Variants in FLRT2 observed in about 807,000 individuals in gnomAD.
The protein encoded by FLRT2 is fibronectin leucine rich transmembrane protein 2, also known as leucine-rich repeat transmembrane protein FLRT2.
In FLRT2, 15 loss-of-function variants were observed where a neutral mutation model predicts 40.0. That is an observed-to-expected ratio of 0.38 (90% CI 0.25 to 0.58). The LOEUF is 0.58. FLRT2 is among the 20% of genes least tolerant of loss of function. The pLI, the probability that FLRT2 is intolerant of heterozygous loss-of-function variation, is 0.71. For missense variants in FLRT2, 726 were observed against 840.0 expected (o/e 0.86, Z 1.68); for synonymous variants, 380 against 336.8 (o/e 1.13, Z -1.41).
chr14:85,592,358 C>T (rs1891928746), intron 1 of FLRT2, among the ~76,000 whole-genome samples: 1 of 152,104 alleles, frequency 6.6e-6, no homozygotes, highest in South Asian at 2.1e-4. Context: ...AAATGGGAAC[C>T]TCCACTCACC....
intron 1 of FLRT2, among the ~76,000 whole-genome samples, chr14:85,584,052 G>T (rs1891509023): frequency 6.6e-6 from 1 of 152,010 alleles, no homozygotes; most frequent in South Asian, 2.1e-4. Flanking sequence ...TCTTGCAATA[G>T]GATTTATTTA....
chr14:85,544,502 T>C (rs930187431), intron 1 of FLRT2, among the ~76,000 whole-genome samples: 1 of 152,198 alleles, frequency 6.6e-6, no homozygotes, highest in African/African-American at 2.4e-5. Flanking sequence ...TGCTTGTTAT[T>C]ATTTTGTTTA....
At chr14:85,567,225 A>G (rs1264663315) in intron 1 of FLRT2, among the ~76,000 whole-genome samples, 1 of 152,132 alleles carries the variant, frequency 6.6e-6, no homozygotes, top group Non-Finnish European at 1.5e-5. Flanking sequence ...AATCCCATGG[A>G]CACTGGACAG....
intron 1 of FLRT2, among the ~76,000 whole-genome samples, chr14:85,570,561 T>TTTTATTTATTTATTTA (rs10684274): frequency 3.3e-4 from 46 of 139,294 alleles, no homozygotes; most frequent in African/African-American, 6.2e-4. Context: ...TTTTTATTTA[T>TTTTATTTATTTATTTA]TTTATTTATT....
intron 1 of FLRT2, among the ~76,000 whole-genome samples, chr14:85,563,977 C>T (rs977079388): frequency 1.1e-4 from 16 of 151,930 alleles, no homozygotes; most frequent in African/African-American, 3.4e-4. Flanking sequence ...ATGTAGAAGC[C>T]CTAGTGTGAA....
intron 1 of FLRT2, among the ~76,000 whole-genome samples, chr14:85,567,635 ATTTTTTTTT>A (rs34161461): frequency 5.3e-5 from 4 of 75,064 alleles, no homozygotes; most frequent in Non-Finnish European, 1.1e-4. Context: ...AGTGACTTAC[ATTTTTTTTT>A]TTTTTTTTTT....
At chr14:85,616,584 G>A (rs1893145846) in intron 1 of FLRT2, among the ~76,000 whole-genome samples, 1 of 152,180 alleles carries the variant, frequency 6.6e-6, no homozygotes, top group Non-Finnish European at 1.5e-5. Flanking sequence ...GCTTGGATCT[G>A]TGTGCAGAAC....
rs1418391386 is a variant in FLRT2 at position 85,631,241 on chromosome 14, T to C, written c.*7744T>C. On this transcript the variant is annotated 3_prime_UTR_variant, in exon 2 of 2. Transcript: ENST00000330753. ...TCCTGTGACATTCCCCTTTGCCTGATGACATATTTGTCCTTTAAGATACAA... is the reference window on the plus strand; with the variant it reads ...TCCTGTGACATTCCCCTTTGCCTGACGACATATTTGTCCTTTAAGATACAA... 1 of 151,386 alleles carries C rather than the reference T, an allele frequency of 6.6e-6. No individual in the cohort carries two copies. The highest frequency in any genetic ancestry group is 1.5e-5 in the Non-Finnish European group (1 of 67,932). 9.4% of individuals were successfully genotyped at this position (151,386 alleles called of 1,614,324 possible).
Position 85,602,761 on chromosome 14 carries a change from T to C in FLRT2, c.-376-18378T>C, listed in dbSNP as rs544191656. Among the ~76,000 whole-genome samples, 3 of 152,348 alleles carry C rather than the reference T, an allele frequency of 2.0e-5. No homozygotes were observed. The South Asian group carries it at 6.2e-4, about 32-fold the overall frequency. On this transcript the variant is annotated intron_variant, in intron 1 of 1. Coordinates refer to ENST00000330753, the MANE Select transcript of FLRT2 (RefSeq NM_013231.6). ...TGTCACAAACGGATGGTGTCTTCTTTGATGCATGTGAATTCTTTGTGTAGG... is the reference window on the plus strand; with the variant it reads ...TGTCACAAACGGATGGTGTCTTCTTCGATGCATGTGAATTCTTTGTGTAGG...
In FLRT2 at chr14:85,638,201, A is replaced by T. The variant is rs991760423; in HGVS notation, c.*14704A>T. On this transcript the variant is annotated 3_prime_UTR_variant, in exon 2 of 2. Transcript: ENST00000330753. Reference sequence around the variant, plus strand: ...CATTGCGATGGACAGACGCCACCGCAGAGAGCAAGGTTTACCTGTGTGGTT... The same window carrying T: ...CATTGCGATGGACAGACGCCACCGCTGAGAGCAAGGTTTACCTGTGTGGTT... 5 of 152,236 alleles carry T rather than the reference A, an allele frequency of 3.3e-5. No individual in the cohort carries two copies. The highest frequency in any genetic ancestry group is 1.2e-4 in the African/African-American group (5 of 41,466). The allele number at this position is 152,236 out of a possible 1,614,324, so 9.4% of individuals were successfully genotyped here.
rs1489954139 is a variant in FLRT2 at position 85,650,556 on chromosome 14, T to C, written c.*27059T>C. On this transcript the variant is annotated 3_prime_UTR_variant, in exon 2 of 2. Transcript: ENST00000330753. Reference sequence around the variant, plus strand: ...ACTTTACTAAATACTGTAAAATTGTTCTCTGTGTGCCAATTTTCTTTACCA... The same window carrying C: ...ACTTTACTAAATACTGTAAAATTGTCCTCTGTGTGCCAATTTTCTTTACCA... The C allele has an allele frequency of 6.6e-6, 1 of 152,028 alleles. No homozygotes were observed. The highest frequency in any genetic ancestry group is 2.4e-5 in the African/African-American group (1 of 41,442). The allele number at this position is 152,028 out of a possible 1,614,324, so 9.4% of individuals were successfully genotyped here. A position where few individuals can be genotyped will look rare whatever the true frequency, so the allele number is the denominator to read the frequency against.
chr14:85,576,359 T>C (rs1309848398), intron 1 of FLRT2, among the ~76,000 whole-genome samples: 1 of 152,206 alleles, frequency 6.6e-6, no homozygotes, highest in African/African-American at 2.4e-5. Flanking sequence ...TTTTCCTTTA[T>C]TTAGGCATAA....
At chr14:85,614,765 A>G (rs1237256518) in intron 1 of FLRT2, among the ~76,000 whole-genome samples, 1 of 152,082 alleles carries the variant, frequency 6.6e-6, no homozygotes, top group African/African-American at 2.4e-5. Flanking sequence ...GTACCAAGTG[A>G]TGAGGGGGAA....
At position 85,622,097 on chromosome 14, in the gene FLRT2, A is replaced by G. The variant is rs1375244464; in HGVS notation, c.583A>G (p.Ile195Val). Residue 195 changes from isoleucine to valine, a missense_variant, in exon 2 of 2, where the codon ATA (isoleucine) becomes GTA (valine). Transcript: ENST00000330753. ...AGTGGATGAAAATCGAATTGCTGTC[A>G]TATCCGACATGGCCTTCCAGAATCT... ...LRVDENRIAV[I>V]SDMAFQNLTS... 1.9e-6 allele frequency: 3 copies of G among 1,614,132 alleles called. No homozygotes were observed. Among genetic ancestry groups the G allele is most frequent in the Non-Finnish European group, 8.5e-7 (1 of 1,180,026 alleles).
At chr14:85,531,219 T>C (rs140120710) in intron 1 of FLRT2, 119 of 152,344 alleles carry the variant, frequency 7.8e-4, no homozygotes, top group African/African-American at 2.8e-3. Context: ...GGAATCCGGA[T>C]CGAGTGAGTT....
intron 1 of FLRT2, among the ~76,000 whole-genome samples, chr14:85,539,252 G>A (rs999110484): frequency 6.6e-6 from 1 of 151,866 alleles, no homozygotes; most frequent in African/African-American, 2.4e-5. Context: ...AAGAAGTTAA[G>A]GGCTACTAAG....
At chr14:85,582,135 C>G (rs914151400) in intron 1 of FLRT2, among the ~76,000 whole-genome samples, 3 of 152,176 alleles carry the variant, frequency 2.0e-5, no homozygotes, top group African/African-American at 4.8e-5. Flanking sequence ...AGATCCTGCT[C>G]TTAGATCCTG....
intron 1 of FLRT2, among the ~76,000 whole-genome samples, chr14:85,588,723 T>G (rs1891750865): frequency 6.6e-6 from 1 of 152,160 alleles, no homozygotes; most frequent in African/African-American, 2.4e-5. Context: ...TCCTTTTATT[T>G]TTTTTCTACC....
chr14:85,640,435 T>C lies in FLRT2; in HGVS notation c.*16938T>C, dbSNP rs761072498. On this transcript the variant is annotated 3_prime_UTR_variant, in exon 2 of 2. Coordinates refer to ENST00000330753, the MANE Select transcript of FLRT2 (RefSeq NM_013231.6). ...GAAGTAAACTTTGGTCACCACAATA[T>C]ACATAGCAAGTATTAAATATCTTGA... The C allele has an allele frequency of 1.3e-5, 2 of 152,174 alleles. No homozygotes were observed. Among genetic ancestry groups the C allele is most frequent in the Non-Finnish European group, 2.9e-5 (2 of 68,018 alleles). The allele number at this position is 152,174 out of a possible 1,614,324, so 9.4% of individuals were successfully genotyped here.
Sources: allele counts gnomAD v4.1 joint callset (sites outside exome capture counted in the v4.1 genomes callset), GRCh38; gene constraint gnomAD v4.1.1; transcripts MANE v1.5; gene names NCBI Gene and HGNC (gene_info 2026-07-23, HGNC 2026-07-21).